HS3ST4: variants seen among roughly 807,000 people sequenced by gnomAD.
HS3ST4 encodes the protein heparan sulfate-glucosamine 3-sulfotransferase 4.
HS3ST4 carries 17 observed loss-of-function variants against 29.2 expected under a neutral mutation model. The ratio of observed to expected loss-of-function variants is 0.58; its 90% CI spans 0.40 to 0.87. The LOEUF is 0.87. HS3ST4 is among the 40% of genes least tolerant of loss of function. The probability of loss-of-function intolerance (pLI) is 0.00; values close to 1 mark genes in which losing one functional copy is unlikely to be tolerated. For synonymous variants in HS3ST4, 314 were observed against 285.7 expected, an observed-to-expected ratio of 1.10 and a Z score of -1.00; for missense variants, 627 against 634.5, an observed-to-expected ratio of 0.99 and a Z score of 0.13.
intron 1 of HS3ST4, among the ~76,000 whole-genome samples, chr16:25,845,218 A>T (rs895983782): frequency 6.6e-6 from 1 of 152,170 alleles, no homozygotes; most frequent in East Asian, 1.9e-4. Context: ...AAAATTAAAA[A>T]TAAATGTAGG....
intron 1 of HS3ST4, among the ~76,000 whole-genome samples, chr16:25,726,471 C>T (rs1966535717): frequency 6.6e-6 from 1 of 152,178 alleles, no homozygotes; most frequent in Admixed American, 6.5e-5. Context: ...CACACATACA[C>T]ACACAGACCC....
intron 1 of HS3ST4, among the ~76,000 whole-genome samples, chr16:25,913,153 C>T (rs970327546): frequency 2.0e-5 from 3 of 152,220 alleles, no homozygotes; most frequent in African/African-American, 7.2e-5. Context: ...TGGTCCAGGG[C>T]AGGGCCTGAT....
intron 1 of HS3ST4, among the ~76,000 whole-genome samples, chr16:25,795,162 G>A (rs1596573209): frequency 1.3e-5 from 2 of 151,788 alleles, no homozygotes; most frequent in Non-Finnish European, 1.5e-5. Context: ...TAGTAGAGAC[G>A]AAGTTTCACT....
intron 1 of HS3ST4, among the ~76,000 whole-genome samples, chr16:26,089,420 G>A (rs1350041292): frequency 6.6e-6 from 1 of 152,196 alleles, no homozygotes; most frequent in Non-Finnish European, 1.5e-5. Flanking sequence ...GGTGGAGAAG[G>A]AGGGTTGGAA....
intron 1 of HS3ST4, among the ~76,000 whole-genome samples, chr16:25,879,468 C>T (rs916565657): frequency 6.6e-6 from 1 of 152,062 alleles, no homozygotes; most frequent in African/African-American, 2.4e-5. Flanking sequence ...TGGCAGCAGA[C>T]AAGAGAAGAG....
intron 1 of HS3ST4, among the ~76,000 whole-genome samples, chr16:26,071,382 C>A (rs1230030549): frequency 6.6e-6 from 1 of 151,996 alleles, no homozygotes; most frequent in Non-Finnish European, 1.5e-5. Context: ...GGACAGGAAG[C>A]AAGGGGTTGA....
At chr16:26,127,537 CT>C (rs1899361267) in intron 1 of HS3ST4, among the ~76,000 whole-genome samples, 2 of 152,238 alleles carry the variant, frequency 1.3e-5, no homozygotes, top group Admixed American at 6.5e-5. Context: ...CCTGAAATCA[CT>C]GCTCTGTCTC....
intron 1 of HS3ST4, among the ~76,000 whole-genome samples, chr16:25,708,567 AATTAAT>A (rs1966392068): frequency 6.6e-6 from 1 of 152,216 alleles, no homozygotes; most frequent in Non-Finnish European, 1.5e-5. Flanking sequence ...ATCTTAAAGC[AATTAAT>A]ATTAAGAAAT....
chr16:26,091,853 T>A (rs565280269), intron 1 of HS3ST4, among the ~76,000 whole-genome samples: 5 of 152,192 alleles, frequency 3.3e-5, no homozygotes, highest in Non-Finnish European at 7.3e-5. Flanking sequence ...AATTCTCTTT[T>A]TCAAGAAATA....
At chr16:26,108,264 A>G (rs920660770) in intron 1 of HS3ST4, among the ~76,000 whole-genome samples, 1 of 152,080 alleles carries the variant, frequency 6.6e-6, no homozygotes, top group African/African-American at 2.4e-5. Flanking sequence ...AGAAGTGTCT[A>G]TTCATGTCAT....
At chr16:25,765,633 C>T (rs1966813259) in intron 1 of HS3ST4, among the ~76,000 whole-genome samples, 1 of 152,184 alleles carries the variant, frequency 6.6e-6, no homozygotes, top group African/African-American at 2.4e-5. Flanking sequence ...GCCTGGGCTC[C>T]TGGCTTCAGA....
intron 1 of HS3ST4, among the ~76,000 whole-genome samples, chr16:25,885,913 AT>A (rs2141666224): frequency 6.6e-6 from 1 of 151,990 alleles, no homozygotes; most frequent in South Asian, 2.1e-4. Context: ...AACATGAGAG[AT>A]TAGGAAAAGT....
Position 26,135,518 on chromosome 16 carries a change from A to G in HS3ST4, c.735-94A>G, listed in dbSNP as rs555190587. ...TTATCAATTTTATTTGGTGGTTCCA[A>G]ACTAGGTTGTTTATATCACACATTT... On this transcript the variant is annotated intron_variant, in intron 1 of 1. Coordinates refer to ENST00000331351, the MANE Select transcript of HS3ST4 (RefSeq NM_006040.3). 4.0e-6 allele frequency: 5 copies of G among 1,253,878 alleles called. No homozygotes were observed. The Admixed American group carries it at 1.1e-4, about 28-fold the overall frequency. The allele number at this position is 1,253,878 out of a possible 1,614,324, so 77.7% of individuals were successfully genotyped here.
intron 1 of HS3ST4, among the ~76,000 whole-genome samples, chr16:25,804,990 A>C (rs1966976221): frequency 6.6e-6 from 1 of 152,104 alleles, no homozygotes; most frequent in African/African-American, 2.4e-5. Context: ...AGGGTACCCC[A>C]ACCTCAGGTG....
chr16:25,962,670 T>G (rs1443720969), intron 1 of HS3ST4, among the ~76,000 whole-genome samples: 2 of 152,186 alleles, frequency 1.3e-5, no homozygotes, highest in African/African-American at 4.8e-5. Context: ...TCTTTAGCCT[T>G]GAAGTCCAGC....
chr16:25,873,636 TCATC>T lies in HS3ST4; in HGVS notation c.734+180499_734+180502del, dbSNP rs1326115380. Among the ~76,000 whole-genome samples the T allele has an allele frequency of 2.7e-3, 260 of 97,970 alleles. 1 individual carries two copies. Among genetic ancestry groups the T allele is most frequent in the Middle Eastern group, 7.6e-3 (1 of 132 alleles). The allele number at this position is 97,970 out of a possible 152,430, so 64.3% of individuals were successfully genotyped here. A position where few individuals can be genotyped will look rare whatever the true frequency, so the allele number is the denominator to read the frequency against. On this transcript the variant is annotated intron_variant, in intron 1 of 1. Transcript: ENST00000331351. ...CCCATCAATCTACCCACCCATCCAT[TCATC>T]CATCCATCCATCCGTCCGTCCATCC...
At chr16:25,738,308 T>C (rs1409095045) in intron 1 of HS3ST4, among the ~76,000 whole-genome samples, 1 of 152,206 alleles carries the variant, frequency 6.6e-6, no homozygotes, top group Non-Finnish European at 1.5e-5. Flanking sequence ...CATTTATGAC[T>C]ATCAGCGCAG....
chr16:25,860,330 A>G (rs1317989632), intron 1 of HS3ST4, among the ~76,000 whole-genome samples: 2 of 152,228 alleles, frequency 1.3e-5, no homozygotes, highest in Non-Finnish European at 2.9e-5. Flanking sequence ...TACTCTTACC[A>G]TATGATGCAG....
intron 1 of HS3ST4, among the ~76,000 whole-genome samples, chr16:25,714,372 C>T (rs557367188): frequency 3.3e-5 from 5 of 152,244 alleles, no homozygotes; most frequent in East Asian, 1.9e-4. Context: ...TGATAGAGTA[C>T]GATGACACTG....
Sources: allele counts gnomAD v4.1 joint callset (sites outside exome capture counted in the v4.1 genomes callset), GRCh38; gene constraint gnomAD v4.1.1; transcripts MANE v1.5; gene names NCBI Gene and HGNC (gene_info 2026-07-23, HGNC 2026-07-21).